BPTF: variants seen among roughly 807,000 people sequenced by gnomAD.
The protein encoded by BPTF is bromodomain PHD finger transcription factor, also known as nucleosome-remodeling factor subunit BPTF.
BPTF carries 18 observed loss-of-function variants against 292.5 expected under a neutral mutation model. The observed-to-expected ratio is 0.06, with a 90% confidence interval of 0.04 to 0.09. The LOEUF (loss-of-function observed/expected upper bound fraction) is 0.09, where lower values mean the gene tolerates loss of function less well. Among genes scored for constraint, BPTF ranks in the 10% least tolerant of loss-of-function variants. The pLI is 1.00. For synonymous variants in BPTF, 1,225 were observed against 1,251.9 expected, an observed-to-expected ratio of 0.98 and a Z score of 0.45; for missense variants, 2,726 against 3,498.7, an observed-to-expected ratio of 0.78 and a Z score of 5.57.
At chr17:67,848,165 T>C (rs2058165329) in intron 1 of BPTF, among the ~76,000 whole-genome samples, 1 of 131,938 alleles carries the variant, frequency 7.6e-6, no homozygotes, top group African/African-American at 3.5e-5. Flanking sequence ...GAAAACACTG[T>C]AAATTCTTTT....
rs1230194356 is a variant in BPTF at position 67,978,488 on chromosome 17, G to A, written c.8726+2530G>A. Among the ~76,000 whole-genome samples the A allele has an allele frequency of 2.0e-5, 3 of 151,390 alleles. No individual in the cohort carries two copies. The South Asian group carries it at 6.3e-4, about 32-fold the overall frequency. ...TGATTTTTGTATTTTTAGTAGAGAC[G>A]GGGTTTCACCATGTTGACCAAGCCG... On this transcript the variant is annotated intron_variant, in intron 27 of 27. Transcript: ENST00000306378.
chr17:67,971,425 G>A (rs1414238418), intron 26 of BPTF, among the ~76,000 whole-genome samples: 1 of 151,776 alleles, frequency 6.6e-6, no homozygotes, highest in Non-Finnish European at 1.5e-5. Flanking sequence ...AGGCAAGGTG[G>A]CTCATCACTG....
At chr17:67,964,795 T>TG (rs543537530) in intron 25 of BPTF, among the ~76,000 whole-genome samples, 2,064 of 149,652 alleles carry the variant, frequency 0.014, 67 homozygotes, top group Admixed American at 0.069. Flanking sequence ...GGTCAGGAGA[T>TG]CAGACCATCC....
chr17:67,857,363 T>C (rs1325151720), intron 2 of BPTF, among the ~76,000 whole-genome samples: 1 of 151,796 alleles, frequency 6.6e-6, no homozygotes, highest in Admixed American at 6.6e-5. Flanking sequence ...GGTTTCACCG[T>C]GTTAGCCAGG....
At chr17:67,964,655 T>C (rs1355488201) in intron 25 of BPTF, among the ~76,000 whole-genome samples, 28 of 152,136 alleles carry the variant, frequency 1.8e-4, no homozygotes, top group Admixed American at 3.3e-4. Context: ...CATTTTATTT[T>C]TAAGGAGACT....
chr17:67,945,659 C>T lies in BPTF; in HGVS notation c.6951C>T (p.His2317=), dbSNP rs1555674469. The change falls in exon 21 of 28, where the codon CAC becomes CAT. Residue 2317 remains histidine, a synonymous_variant. Transcript: ENST00000306378. ...SHVPSEAQPT[H]AQSSKPQVAA... ...TCCCTTCTGAAGCACAACCCACCCA[C>T]GCACAGTCATCCAAGCCCCAAGTTG... is the stretch of plus-strand genomic sequence containing the variant. 7 of 1,614,036 alleles carry T rather than the reference C, an allele frequency of 4.3e-6. No homozygotes were observed. Among genetic ancestry groups the T allele is most frequent in the Admixed American group, 3.3e-5 (2 of 59,978 alleles).
In BPTF at chr17:67,972,430, G is replaced by T. The variant is rs534430172; in HGVS notation, c.8540-3342G>T. The stretch of plus-strand genomic sequence containing the variant: ...AATTTCTGTATTTTTAGTAGAGACG[G>T]GGTTTCACCATGTTGGTTGACCAGG... On this transcript the variant is annotated intron_variant, in intron 26 of 27. Coordinates refer to ENST00000306378, the MANE Select transcript of BPTF (RefSeq NM_182641.4). Among the ~76,000 whole-genome samples, 19 of 152,142 alleles carry T rather than the reference G, an allele frequency of 1.2e-4. No homozygotes were observed. In the South Asian group the frequency reaches 3.9e-3, roughly 32 times the overall value.
At chr17:67,829,132 T>C (rs12603589) in intron 1 of BPTF, among the ~76,000 whole-genome samples, 30,257 of 151,534 alleles carry the variant, frequency 0.2, 3,779 homozygotes, top group East Asian at 0.66. Context: ...TTGTTTTTTC[T>C]AATTGGTTTT....
chr17:67,932,263 AT>A (rs1285352198), intron 18 of BPTF, among the ~76,000 whole-genome samples: 2 of 152,274 alleles, frequency 1.3e-5, no homozygotes, highest in East Asian at 3.8e-4. Flanking sequence ...AAAATATATA[AT>A]TGAAGTAAAG....
chr17:67,880,611 G>C (rs987941837), intron 4 of BPTF, among the ~76,000 whole-genome samples: 2 of 151,768 alleles, frequency 1.3e-5, no homozygotes, highest in Non-Finnish European at 2.9e-5. Context: ...ACATTTGTAG[G>C]TTTTTGTTTT....
chr17:67,886,283 T>C, intron 4 of BPTF: 1 of 1,613,886 alleles, frequency 6.2e-7, no homozygotes, highest in Non-Finnish European at 8.5e-7. Context: ...AGAAAGAGAA[T>C]CTCATACACC....
chr17:67,976,714 A>AAAAAAAAAG (rs1555694156), intron 27 of BPTF, among the ~76,000 whole-genome samples: 13 of 116,584 alleles, frequency 1.1e-4, no homozygotes, highest in African/African-American at 3.9e-4. Flanking sequence ...AAAAAAAAAA[A>AAAAAAAAAG]ATAAGAATAA....
chr17:67,964,727 ATG>A (rs539765702), intron 25 of BPTF, among the ~76,000 whole-genome samples: 5 of 150,692 alleles, frequency 3.3e-5, no homozygotes, highest in Admixed American at 3.3e-4. Context: ...TTGGCCGGGC[ATG>A]GTGGCTCATG....
At chr17:67,875,165 A>G (rs2145754183) in intron 4 of BPTF, 145 bp downstream of exon 4, 1 of 696,902 alleles carries the variant, frequency 1.4e-6, no homozygotes, top group Non-Finnish European at 2.4e-6. Context: ...GTCCCCTCTT[A>G]TAACGTGTGT....
At chr17:67,870,156 C>A (rs531917065) in intron 3 of BPTF, among the ~76,000 whole-genome samples, 1 of 152,134 alleles carries the variant, frequency 6.6e-6, no homozygotes, top group East Asian at 1.9e-4. Flanking sequence ...TGCAGTTATC[C>A]TCTTAGTACT....
chr17:67,929,136 A>G, intron 16 of BPTF, 200 bp from the exon 17 acceptor site: 1 of 1,353,098 alleles, frequency 7.4e-7, no homozygotes, highest in African/African-American at 1.5e-5. Flanking sequence ...GGAAATGTGA[A>G]GTTTTAATTC....
At chr17:67,843,896 G>C (rs2057794635) in intron 1 of BPTF, among the ~76,000 whole-genome samples, 1 of 149,222 alleles carries the variant, frequency 6.7e-6, no homozygotes, top group African/African-American at 2.5e-5. Flanking sequence ...CTCCCGAGTA[G>C]CTGAGATTAC....
At position 67,911,241 on chromosome 17, in the gene BPTF, G is replaced by A. The variant is rs567816166; in HGVS notation, c.3357G>A (p.Ser1119=). The A allele has an allele frequency of 9.9e-6, 16 of 1,613,990 alleles. No individual in the cohort carries two copies. The Admixed American group carries it at 1.2e-4, about 12-fold the overall frequency. The change falls in exon 11 of 28, where the codon TCG becomes TCA. Residue 1119 remains serine, a synonymous_variant. Transcript: ENST00000306378. ...TKAKEGCQSD[S]MRQEQSPNAN... The stretch of plus-strand genomic sequence containing the variant: ...CAAAAGAAGGGTGTCAGAGTGACTC[G>A]ATGAGACAAGAACAGAGCCCAAATG...
At chr17:67,931,604 T>C (rs2147533585) in intron 17 of BPTF, among the ~76,000 whole-genome samples, 1 of 152,342 alleles carries the variant, frequency 6.6e-6, no homozygotes, top group East Asian at 1.9e-4. Flanking sequence ...GACTCCACAT[T>C]TTCCTGTGAG....
Sources: allele counts gnomAD v4.1 joint callset (sites outside exome capture counted in the v4.1 genomes callset), GRCh38; gene constraint gnomAD v4.1.1; transcripts MANE v1.5; gene names NCBI Gene and HGNC (gene_info 2026-07-23, HGNC 2026-07-21).